NUP210L: variants seen among roughly 807,000 people sequenced by gnomAD.
NUP210L encodes the protein nucleoporin 210 like.
A neutral mutation model predicts 208.5 loss-of-function variants in NUP210L; 74 were observed. The observed-to-expected ratio is 0.35, with a 90% CI of 0.29 to 0.43. The LOEUF is 0.43. NUP210L is among the 20% of genes least tolerant of loss of function. The pLI is 1.00. For missense variants in NUP210L, 1,843 were observed against 2,289.4 expected, an observed-to-expected ratio of 0.81 and a Z score of 3.98; for synonymous variants, 780 against 816.9, an observed-to-expected ratio of 0.95 and a Z score of 0.77.
chr1:154,029,228 A>C (rs898433270), intron 28 of NUP210L, among the ~76,000 whole-genome samples: 5 of 151,504 alleles, frequency 3.3e-5, no homozygotes, highest in African/African-American at 2.4e-5. Flanking sequence ...AATACAAAAA[A>C]TTAGCCGGGC....
rs190616402 is a variant in NUP210L at position 154,095,946 on chromosome 1, C to A, written c.1966-790G>T. Among the ~76,000 whole-genome samples, 6 of 152,266 alleles carry A rather than the reference C, an allele frequency of 3.9e-5. No homozygotes were observed. In the South Asian group the frequency reaches 1.0e-3, roughly 26 times the overall value. ...TGGCACACAATGTCCACAACAGTGA[C>A]TAATTTTTTTTTATTTTACTTTAAG... is the stretch of plus-strand genomic sequence containing the variant. On this transcript the variant is annotated intron_variant, in intron 14 of 39. Transcript: ENST00000368559.
intron 14 of NUP210L, among the ~76,000 whole-genome samples, chr1:154,097,471 G>T (rs1656232870): frequency 1.3e-5 from 2 of 152,080 alleles, no homozygotes; most frequent in African/African-American, 4.8e-5. Context: ...AATGATAAAA[G>T]TAAGAAAAAA....
chr1:154,042,323 G>A (rs1008774735), intron 27 of NUP210L, among the ~76,000 whole-genome samples: 30 of 151,770 alleles, frequency 2.0e-4, no homozygotes, highest in African/African-American at 7.2e-4. Flanking sequence ...GGCTGGTCTT[G>A]AACTCCTGAG....
chr1:154,038,796 G>C (rs576624691), intron 27 of NUP210L, among the ~76,000 whole-genome samples: 1 of 152,224 alleles, frequency 6.6e-6, no homozygotes, highest in African/African-American at 2.4e-5. Flanking sequence ...TTACAATAAT[G>C]CTTGCAAATA....
At chr1:154,096,014 T>C (rs1043613886) in intron 14 of NUP210L, among the ~76,000 whole-genome samples, 2 of 152,196 alleles carry the variant, frequency 1.3e-5, no homozygotes, top group African/African-American at 4.8e-5. Context: ...GTTACCTAGG[T>C]ATACATGCGC....
Position 154,015,906 on chromosome 1 carries a change from CAATAAATAAATAAATAAATA to C in NUP210L, c.4653+3007_4653+3026del, listed in dbSNP as rs71584164. Reference sequence around the variant, plus strand: ...TGGGTGACACAGCAAGACCCTGTCTCAATAAATAAATAAATAAATAAATAAATAAATAAATAAATAAATAA... The same window carrying C: ...TGGGTGACACAGCAAGACCCTGTCTCAATAAATAAATAAATAAATAAATAA... On this transcript the variant is annotated intron_variant, in intron 33 of 39. Coordinates refer to ENST00000368559, the Ensembl canonical transcript of NUP210L. Among the ~76,000 whole-genome samples, 26 of 133,950 alleles carry C rather than the reference CAATAAATAAATAAATAAATA, an allele frequency of 1.9e-4. 1 individual carries two copies. The highest frequency in any genetic ancestry group is 1.2e-3 in the South Asian group (5 of 4,054). The allele number at this position is 133,950 out of a possible 152,430, so 87.9% of individuals were successfully genotyped here.
intron 2 of NUP210L, among the ~76,000 whole-genome samples, chr1:154,148,154 C>G (rs1659212012): frequency 6.6e-6 from 1 of 151,464 alleles, no homozygotes; most frequent in African/African-American, 2.4e-5. Flanking sequence ...GTAATCCCAG[C>G]TACTCAGGAG....
At chr1:154,122,344 AT>A (rs1657655072) in intron 10 of NUP210L, among the ~76,000 whole-genome samples, 1 of 152,166 alleles carries the variant, frequency 6.6e-6, no homozygotes, top group Admixed American at 6.6e-5. Flanking sequence ...CTTATTACCC[AT>A]TAGGATGGCT....
chr1:154,031,640 T>C (rs1371248510), intron 27 of NUP210L, among the ~76,000 whole-genome samples: 1 of 151,822 alleles, frequency 6.6e-6, no homozygotes, highest in East Asian at 1.9e-4. Flanking sequence ...GAAGTTTGTC[T>C]ATCTATACTT....
intron 7 of NUP210L, among the ~76,000 whole-genome samples, chr1:154,133,897 C>T (rs1412529151): frequency 6.6e-6 from 1 of 151,542 alleles, no homozygotes; most frequent in Non-Finnish European, 1.5e-5. Flanking sequence ...TGCCTGTAAT[C>T]CCAGCACTGT....
At chr1:154,056,760 A>T in intron 23 of NUP210L, 55 bp downstream of exon 23, 1 of 1,510,380 alleles carries the variant, frequency 6.6e-7, no homozygotes, top group Non-Finnish European at 8.9e-7. Context: ...ACAGAAAAAG[A>T]CAAATGATGT....
At chr1:154,126,351 T>A in exon 10 of NUP210L, 5 of 1,613,350 alleles carry the variant, frequency 3.1e-6, no homozygotes, top group Non-Finnish European at 4.2e-6. Context: ...CAGGGATGCA[T>A]TTATTACCAC....
Position 154,133,380 on chromosome 1 carries a change from A to G in NUP210L, c.1009+2434T>C, listed in dbSNP as rs181571412. On this transcript the variant is annotated intron_variant, in intron 7 of 39. Transcript: ENST00000368559. Reference sequence around the variant, plus strand: ...TCCAGCCTACTCAGCCTAGCAAGACATCTCTACAAAAAAAGACACAATTAG... The same window carrying G: ...TCCAGCCTACTCAGCCTAGCAAGACGTCTCTACAAAAAAAGACACAATTAG... Among the ~76,000 whole-genome samples the G allele has an allele frequency of 3.3e-5, 5 of 151,758 alleles. No individual in the cohort carries two copies. In the East Asian group the frequency reaches 9.7e-4, roughly 29 times the overall value.
intron 17 of NUP210L, 23 bp from the exon 18 acceptor site, chr1:154,061,697 C>G (rs776386233): frequency 7.2e-7 from 1 of 1,395,772 alleles, no homozygotes. Context: ...AGAAAAATAC[C>G]CTGTGAGAAA....
chr1:154,006,944 G>GTGTGTA (rs1557908848), intron 35 of NUP210L, among the ~76,000 whole-genome samples: 11 of 97,828 alleles, frequency 1.1e-4, no homozygotes, highest in South Asian at 7.9e-4. Context: ...GTGTGTGTGT[G>GTGTGTA]TGTATATATA....
chr1:154,142,843 C>T (rs567128076), intron 3 of NUP210L, among the ~76,000 whole-genome samples: 5 of 149,704 alleles, frequency 3.3e-5, no homozygotes, highest in Non-Finnish European at 7.4e-5. Flanking sequence ...GAGCCAAGAT[C>T]GCACCACTGC....
chr1:153,995,155 G>A (rs1649759203), exon 38 of NUP210L: 1 of 1,613,762 alleles, frequency 6.2e-7, no homozygotes, highest in South Asian at 1.1e-5. Context: ...TGAACCGCTT[G>A]AGGATGGCGG....
intron 7 of NUP210L, among the ~76,000 whole-genome samples, chr1:154,130,353 A>T (rs1571309738): frequency 6.6e-6 from 1 of 151,196 alleles, no homozygotes; most frequent in Non-Finnish European, 1.5e-5. Flanking sequence ...GCTCACTGAA[A>T]CCACTGCCTC....
chr1:154,138,111 A>T, exon 6 of NUP210L: 2 of 1,485,552 alleles, frequency 1.3e-6, no homozygotes, highest in Non-Finnish European at 1.8e-6. Flanking sequence ...CTTACCTGTC[A>T]CTCTCCCTTG....
Sources: gnomAD v4.1 joint callset for allele counts (sites outside exome capture counted in the v4.1 genomes callset) on GRCh38, gnomAD v4.1.1 for gene constraint, MANE v1.5 for transcripts, NCBI Gene and HGNC (gene_info 2026-07-23, HGNC 2026-07-21) for gene names.